Variants in GPM6B observed in about 807,000 individuals in gnomAD.
The protein encoded by GPM6B is glycoprotein M6B.
Under a neutral mutation model 27.2 loss-of-function variants are expected in GPM6B, and 4 were observed. The ratio of observed to expected loss-of-function variants is 0.15; its 90% CI spans 0.07 to 0.34. The LOEUF (loss-of-function observed/expected upper bound fraction) is 0.34, where lower values mean the gene tolerates loss of function less well. Among genes scored for constraint, GPM6B ranks in the 10% least tolerant of loss-of-function variants. The probability of loss-of-function intolerance (pLI) is 1.00; values close to 1 mark genes in which losing one functional copy is unlikely to be tolerated. For synonymous variants in GPM6B, 124 were observed against 103.1 expected, an observed-to-expected ratio of 1.20 and a Z score of -1.23; for missense variants, 183 against 261.9, an observed-to-expected ratio of 0.70 and a Z score of 2.08.
At chrX:13,850,472 C>A (rs149130081) in intron 1 of GPM6B, among the ~76,000 whole-genome samples, 1 of 112,569 alleles carries the variant, frequency 8.9e-6, no homozygotes, top group Admixed American at 9.4e-5. Flanking sequence ...CAGCCTCAGG[C>A]GTTCCTTTAT....
rs773845113 is a variant in GPM6B, at chrX:13,811,974, CT to C, written c.62-4206del. Among the ~76,000 whole-genome samples, 677 of 109,925 alleles carry C rather than the reference CT, an allele frequency of 6.2e-3. 6 individuals are homozygous for C. The highest frequency in any genetic ancestry group is 0.021 in the African/African-American group (619 of 30,121). ...TGGTCCCTACGATGACTTAGCACCCCTGTACTCCTGTAACGTGAGCTGAAGG... is the reference window on the plus strand; with the variant it reads ...TGGTCCCTACGATGACTTAGCACCCCGTACTCCTGTAACGTGAGCTGAAGG... On this transcript the variant is annotated intron_variant, in intron 1 of 7. Coordinates refer to ENST00000316715, the MANE Select transcript of GPM6B (RefSeq NM_001001995.3).
intron 1 of GPM6B, among the ~76,000 whole-genome samples, chrX:13,888,323 C>G (rs12689292): frequency 0.24 from 26,297 of 110,859 alleles, 2,506 homozygotes; most frequent in East Asian, 0.65. Context: ...AATTAATTAC[C>G]TTCCATTTTC....
chrX:13,866,116 C>T (rs2049914769), intron 1 of GPM6B, among the ~76,000 whole-genome samples: 1 of 112,017 alleles, frequency 8.9e-6, no homozygotes, highest in South Asian at 3.7e-4. Context: ...GTAATCCCAG[C>T]ACTTTGAGAG....
intron 5 of GPM6B, among the ~76,000 whole-genome samples, chrX:13,778,588 C>T (rs897969117): frequency 8.9e-6 from 1 of 111,732 alleles, no homozygotes; most frequent in Non-Finnish European, 1.9e-5. Context: ...ATCCTTGACA[C>T]GGGCCAAGAG....
intron 2 of GPM6B, among the ~76,000 whole-genome samples, chrX:13,800,969 C>T (rs1416209169): frequency 1.8e-5 from 2 of 108,937 alleles, no homozygotes; most frequent in African/African-American, 6.7e-5. Flanking sequence ...GCCACCATGC[C>T]CATATGAAAT....
intron 1 of GPM6B, among the ~76,000 whole-genome samples, chrX:13,839,991 T>A (rs2049552886): frequency 9.0e-6 from 1 of 111,295 alleles, no homozygotes; most frequent in Non-Finnish European, 1.9e-5. Flanking sequence ...CATGGATTAG[T>A]AGAACAGAAT....
At chrX:13,881,149 CCCA>C (rs2050093026) in intron 1 of GPM6B, among the ~76,000 whole-genome samples, 1 of 112,139 alleles carries the variant, frequency 8.9e-6, no homozygotes, top group African/African-American at 3.2e-5. Context: ...GTCTACCTTG[CCCA>C]CCACTATAGG....
rs536337642 is a variant in GPM6B at position 13,831,177 on chromosome X, TACACACACACACAC to T, written c.-197-45383_-197-45370del. ...AGTAAAGGGATGTAGAAGAGCTCAG[TACACACACACACAC>T]ACACACACACACACACACACACACA... On this transcript the variant is annotated intron_variant, in intron 1 of 6. Coordinates refer to the GPM6B transcript ENST00000398361. Among the ~76,000 whole-genome samples the T allele has an allele frequency of 2.9e-3, 235 of 81,612 alleles. 2 individuals are homozygous for T. The highest frequency in any genetic ancestry group is 6.7e-3 in the African/African-American group (143 of 21,287). 70.9% of individuals were successfully genotyped at this position (81,612 alleles called of 115,157 possible).
chrX:13,812,690 A>G (rs1018002664), intron 1 of GPM6B, among the ~76,000 whole-genome samples: 5 of 111,546 alleles, frequency 4.5e-5, no homozygotes, highest in Non-Finnish European at 5.6e-5. Flanking sequence ...GTACTTCCAA[A>G]TAACAGAGAA....
At chrX:13,823,520 GTT>G (rs201574507) in intron 1 of GPM6B, among the ~76,000 whole-genome samples, 2,837 of 95,880 alleles carry the variant, frequency 0.03, 106 homozygotes, top group African/African-American at 0.1. Flanking sequence ...ACTGAACCTG[GTT>G]TTTTTTTTTT....
Position 13,816,934 on chromosome X carries a change from T to C in GPM6B, c.-30A>G, listed in dbSNP as rs753385667. The C allele has an allele frequency of 1.8e-5, 21 of 1,183,496 alleles. No individual in the cohort carries two copies. In the South Asian group the frequency reaches 1.9e-4, roughly 11 times the overall value. On this transcript the variant is annotated 5_prime_UTR_variant, in exon 1 of 8. Transcript: ENST00000316715. The stretch of plus-strand genomic sequence containing the variant: ...TCCACCAAAAATGCTTTTCCCCCTG[T>C]TCCCCCCAACACACACTTGTTTTTC...
At chrX:13,797,995 G>C (rs1378178563) in intron 2 of GPM6B, among the ~76,000 whole-genome samples, 1 of 110,270 alleles carries the variant, frequency 9.1e-6, no homozygotes, top group East Asian at 2.9e-4. Context: ...TGGGAGCATA[G>C]GAAGGATGGA....
chrX:13,771,120 TTAC>T lies in GPM6B; in HGVS notation c.*1758_*1760del, dbSNP rs1453602718. ...TAGAAAATATTGATTCACTGTTAGG[TTAC>T]AAAAATTTATACATAGCAAAATTTA... is the stretch of plus-strand genomic sequence containing the variant. On this transcript the variant is annotated 3_prime_UTR_variant, in exon 8 of 8. Transcript: ENST00000316715. The T allele has an allele frequency of 6.2e-5, 7 of 112,361 alleles. No individual in the cohort carries two copies. Among genetic ancestry groups the T allele is most frequent in the Non-Finnish European group, 1.3e-4 (7 of 53,165 alleles). The allele number at this position is 112,361 out of a possible 1,213,427, so 9.3% of individuals were successfully genotyped here. A position where few individuals can be genotyped will look rare whatever the true frequency, so the allele number is the denominator to read the frequency against.
chrX:13,865,542 C>CAAA lies in GPM6B; in HGVS notation c.-198+72782_-198+72784dup, dbSNP rs1171503867. Among the ~76,000 whole-genome samples the CAAA allele has an allele frequency of 4.7e-3, 69 of 14,613 alleles. 6 individuals are homozygous for CAAA. The highest frequency in any genetic ancestry group is 8.7e-3 in the South Asian group (2 of 231). The allele number at this position is 14,613 out of a possible 115,157, so 12.7% of individuals were successfully genotyped here. ...ACCACACGGTAAAAATCCATCTCTT[C>CAAA]AAAAAAAAAAAAAAAAAAAAGAAAG... On this transcript the variant is annotated intron_variant, in intron 1 of 6. Transcript: ENST00000398361.
intron 1 of GPM6B, among the ~76,000 whole-genome samples, chrX:13,840,944 T>C (rs1199831732): frequency 4.5e-5 from 5 of 111,887 alleles, no homozygotes; most frequent in Non-Finnish European, 9.4e-5. Context: ...TATTTTGAAT[T>C]TAGGAGGATG....
intron 1 of GPM6B, among the ~76,000 whole-genome samples, chrX:13,830,811 T>C (rs1284868386): frequency 3.6e-5 from 4 of 111,769 alleles, no homozygotes; most frequent in Non-Finnish European, 5.6e-5. Flanking sequence ...TATTTTAGTA[T>C]CGTGAATGGC....
chrX:13,817,402 T>C, upstream of GPM6B: 1 of 738,246 alleles, frequency 1.4e-6, no homozygotes, highest in Non-Finnish European at 1.6e-6. Flanking sequence ...ATTTGTGACA[T>C]CAGAGGAGGG....
At chrX:13,910,086 G>C (rs1285263988) in intron 1 of GPM6B, among the ~76,000 whole-genome samples, 1 of 112,081 alleles carries the variant, frequency 8.9e-6, no homozygotes, top group Non-Finnish European at 1.9e-5. Flanking sequence ...CTGTGGAACT[G>C]GACAAGACCC....
chrX:13,934,258 T>G (rs1462244302), intron 1 of GPM6B, among the ~76,000 whole-genome samples: 8 of 111,551 alleles, frequency 7.2e-5, no homozygotes. Flanking sequence ...GGCTCCTTAC[T>G]AGATCTTTAG....
Sources: allele counts gnomAD v4.1 joint callset (sites outside exome capture counted in the v4.1 genomes callset), GRCh38; gene constraint gnomAD v4.1.1; transcripts MANE v1.5; gene names NCBI Gene and HGNC (gene_info 2026-07-23, HGNC 2026-07-21).